Variants in FRMD6 observed in about 807,000 individuals in gnomAD.
FRMD6 encodes FERM domain-containing protein 6.
A neutral mutation model predicts 73.2 loss-of-function variants in FRMD6; 37 were observed. The observed-to-expected ratio is 0.51, with a 90% confidence interval of 0.39 to 0.66. The LOEUF is 0.66. Ranked by LOEUF, FRMD6 falls within the 30% of genes least tolerant of loss-of-function variation. FRMD6 has a pLI of 0.00. For synonymous variants in FRMD6, 273 were observed against 282.2 expected (o/e 0.97, Z 0.33); for missense variants, 714 against 780.5 (o/e 0.91, Z 1.02).
rs1898097117 is a variant in FRMD6, at chr14:51,728,315, G to A, written c.*286G>A. On this transcript the variant is annotated 3_prime_UTR_variant, in exon 14 of 14. Transcript: ENST00000344768. ...TGATTGCAAAGCCTTCAGAATATTG[G>A]AGTGTGGTGTGTTTGCTCATCTGAT... The A allele has an allele frequency of 3.0e-6, 1 of 332,916 alleles. No homozygotes were observed. The highest frequency in any genetic ancestry group is 7.1e-5 in the South Asian group (1 of 14,008). The allele number at this position is 332,916 out of a possible 1,614,324, so 20.6% of individuals were successfully genotyped here. A position where few individuals can be genotyped will look rare whatever the true frequency, so the allele number is the denominator to read the frequency against.
At chr14:51,543,840 G>A (rs186100528) in intron 1 of FRMD6, among the ~76,000 whole-genome samples, 13 of 152,134 alleles carry the variant, frequency 8.5e-5, no homozygotes, top group Admixed American at 2.0e-4. Context: ...CAATGTAAGC[G>A]TGGACCGAAC....
the FRMD6 span, among the ~76,000 whole-genome samples, chr14:51,442,323 T>C: frequency 6.6e-6 from 1 of 152,060 alleles, no homozygotes; most frequent in African/African-American, 2.4e-5. Context: ...TCTTCTCTCC[T>C]TTCCTTTCTC....
chr14:51,550,331 C>T (rs968588766), intron 1 of FRMD6, among the ~76,000 whole-genome samples: 108 of 152,266 alleles, frequency 7.1e-4, no homozygotes, highest in Middle Eastern at 3.4e-3. Flanking sequence ...CTTGGCCTCC[C>T]TGGGCTCAAG....
the FRMD6 span, among the ~76,000 whole-genome samples, chr14:51,465,415 T>TAAACCTTCAC: frequency 5.9e-5 from 9 of 152,314 alleles, no homozygotes; most frequent in South Asian, 8.3e-4. Context: ...AGAGCCCTTC[T>TAAACCTTCAC]AAACCTTCAC....
chr14:51,566,015 A>C (rs1199436956), intron 1 of FRMD6, among the ~76,000 whole-genome samples: 1 of 152,178 alleles, frequency 6.6e-6, no homozygotes, highest in East Asian at 1.9e-4. Context: ...ATACAAAAAA[A>C]TTAGCCGGGT....
the FRMD6 span, among the ~76,000 whole-genome samples, chr14:51,459,970 G>A: frequency 7.7e-5 from 10 of 129,504 alleles, no homozygotes; most frequent in South Asian, 7.8e-4. Context: ...CTTGCTAAAC[G>A]AAGTAAAACG....
the FRMD6 span, among the ~76,000 whole-genome samples, chr14:51,403,898 G>C: frequency 6.6e-6 from 1 of 152,054 alleles, no homozygotes; most frequent in Admixed American, 6.5e-5. Context: ...ATATTCTTGC[G>C]TGGGTCTTCT....
chr14:51,587,828 A>G (rs1889143310), intron 2 of FRMD6, among the ~76,000 whole-genome samples: 1 of 152,190 alleles, frequency 6.6e-6, no homozygotes, highest in Non-Finnish European at 1.5e-5. Flanking sequence ...CTGTCCATGA[A>G]AGTAACCTTG....
At chr14:51,525,362 G>A (rs766868591) in intron 1 of FRMD6, among the ~76,000 whole-genome samples, 30 of 151,952 alleles carry the variant, frequency 2.0e-4, no homozygotes, top group Admixed American at 4.6e-4. Context: ...TCCCCCTCCC[G>A]GGTTCAAGCG....
At chr14:51,690,184 G>A (rs1298582520) in intron 2 of FRMD6, among the ~76,000 whole-genome samples, 2 of 152,100 alleles carry the variant, frequency 1.3e-5, no homozygotes, top group Non-Finnish European at 2.9e-5. Flanking sequence ...ACAAACATTT[G>A]CTATTTTTAA....
chr14:51,714,454 C>A (rs1408043739), intron 9 of FRMD6: 1 of 152,232 alleles, frequency 6.6e-6, no homozygotes, highest in Non-Finnish European at 1.5e-5. Context: ...ATCATTATAT[C>A]TGAAATACTC....
At chr14:51,588,975 C>T (rs1417933482) in intron 2 of FRMD6, among the ~76,000 whole-genome samples, 3 of 152,200 alleles carry the variant, frequency 2.0e-5, no homozygotes, top group African/African-American at 7.2e-5. Flanking sequence ...GTCCAGGCTT[C>T]TCTGGGTCAC....
At chr14:51,458,808 T>C in the FRMD6 span, among the ~76,000 whole-genome samples, 1 of 152,196 alleles carries the variant, frequency 6.6e-6, no homozygotes, top group Admixed American at 6.5e-5. Context: ...GTCTTAGTGA[T>C]GAGACGTCTG....
chr14:51,466,780 C>T, the FRMD6 span, among the ~76,000 whole-genome samples: 1 of 152,088 alleles, frequency 6.6e-6, no homozygotes, highest in African/African-American at 2.4e-5. Flanking sequence ...AAACAACTTG[C>T]TGGGATTTTG....
the FRMD6 span, among the ~76,000 whole-genome samples, chr14:51,402,918 G>A: frequency 9.9e-5 from 15 of 151,992 alleles, no homozygotes; most frequent in African/African-American, 3.4e-4. Context: ...GATTACAGGC[G>A]TGAGCCACCG....
intron 1 of FRMD6, among the ~76,000 whole-genome samples, chr14:51,497,662 G>A (rs1456375957): frequency 6.6e-6 from 1 of 152,148 alleles, no homozygotes; most frequent in African/African-American, 2.4e-5. Flanking sequence ...ATTTCAACAT[G>A]TAATCTGTAT....
intron 2 of FRMD6, among the ~76,000 whole-genome samples, chr14:51,606,046 T>C (rs1241914818): frequency 6.6e-6 from 1 of 152,154 alleles, no homozygotes; most frequent in Admixed American, 6.5e-5. Context: ...CTAGAGAAAG[T>C]GTGTTCTCTC....
At chr14:51,428,625 G>A in the FRMD6 span, among the ~76,000 whole-genome samples, 2 of 152,100 alleles carry the variant, frequency 1.3e-5, no homozygotes, top group Non-Finnish European at 2.9e-5. Context: ...TGTGGGAGAG[G>A]GTGAGTGAAC....
At position 51,689,930 on chromosome 14, in the gene FRMD6, A is replaced by G. The variant is rs146818339; in HGVS notation, c.94A>G (p.Ile32Val). 9 of 1,595,614 alleles carry G rather than the reference A, an allele frequency of 5.6e-6. No individual in the cohort carries two copies. In the East Asian group the frequency reaches 1.8e-4, roughly 32 times the overall value. The change falls in exon 2 of 14, where the codon ATA becomes GTA. Residue 32 changes from isoleucine to valine, a missense_variant. By Grantham distance (29) the Ile-to-Val change is conservative. Transcript: ENST00000344768. ...LPNDESLNII[I>V]NVKILCHQLL... Reference sequence around the variant, plus strand: ...CAACGATGAATCTCTGAACATCATCATAAATGTGAGTAGATCCAGTTTTAG... The same window carrying G: ...CAACGATGAATCTCTGAACATCATCGTAAATGTGAGTAGATCCAGTTTTAG...
Sources: gnomAD v4.1 joint callset for allele counts (sites outside exome capture counted in the v4.1 genomes callset) on GRCh38, gnomAD v4.1.1 for gene constraint, MANE v1.5 for transcripts, NCBI Gene and HGNC (gene_info 2026-07-23, HGNC 2026-07-21) for gene names.